The following VAMP7 variants were observed in gnomAD, a reference collection of about 807,000 sequenced individuals.
VAMP7 encodes the protein vesicle-associated membrane protein 7.
A neutral mutation model predicts 29.6 loss-of-function variants in VAMP7; 14 were observed. The ratio of observed to expected loss-of-function variants is 0.47; its 90% CI spans 0.31 to 0.74. The LOEUF is 0.74. Ranked by LOEUF, VAMP7 falls within the 30% of genes least tolerant of loss-of-function variation. VAMP7 has a pLI of 0.05. For missense variants in VAMP7, 223 were observed against 262.4 expected, an observed-to-expected ratio of 0.85 and a Z score of 1.04; for synonymous variants, 95 against 88.1, an observed-to-expected ratio of 1.08 and a Z score of -0.44.
At chrX:155,885,182 A>G (rs906183539) in intron 1 of VAMP7, among the ~76,000 whole-genome samples, 4 of 152,150 alleles carry the variant, frequency 2.6e-5, no homozygotes, top group Non-Finnish European at 5.9e-5. Flanking sequence ...AAACCCAACA[A>G]CTAGAACAAA....
intron 4 of VAMP7, among the ~76,000 whole-genome samples, chrX:155,898,476 T>C (rs923631100): frequency 1.3e-5 from 2 of 152,082 alleles, no homozygotes; most frequent in African/African-American, 2.4e-5. Flanking sequence ...CAGTGTCTCA[T>C]GATTGGAAGA....
At chrX:155,890,249 A>G (rs1307135440) in intron 2 of VAMP7, among the ~76,000 whole-genome samples, 3 of 152,140 alleles carry the variant, frequency 2.0e-5, no homozygotes, top group African/African-American at 7.2e-5. Flanking sequence ...AAGAAAAGTC[A>G]TGTAGGGCCT....
At chrX:155,920,610 C>T (rs975980118) in intron 6 of VAMP7, among the ~76,000 whole-genome samples, 5 of 152,146 alleles carry the variant, frequency 3.3e-5, no homozygotes, top group Non-Finnish European at 7.3e-5. Flanking sequence ...AACACAGGCT[C>T]TAGTATCAGG....
intron 5 of VAMP7, among the ~76,000 whole-genome samples, chrX:155,912,002 G>A (rs2066244334): frequency 3.9e-5 from 6 of 152,106 alleles, no homozygotes; most frequent in Non-Finnish European, 5.9e-5. Context: ...GTGTTGAATA[G>A]GAGTAGTGAA....
chrX:155,886,844 C>T (rs1208551104), intron 1 of VAMP7, among the ~76,000 whole-genome samples: 2 of 152,184 alleles, frequency 1.3e-5, no homozygotes, highest in African/African-American at 2.4e-5. Flanking sequence ...ACCGTTGGTT[C>T]ATAATGAACT....
intron 5 of VAMP7, among the ~76,000 whole-genome samples, chrX:155,915,369 T>G (rs2066297079): frequency 6.6e-6 from 1 of 152,188 alleles, no homozygotes; most frequent in Admixed American, 6.5e-5. Context: ...TCTCCTTCAG[T>G]TCTGCTCTGA....
At chrX:155,911,051 A>T (rs1253391028) in intron 5 of VAMP7, among the ~76,000 whole-genome samples, 1 of 152,012 alleles carries the variant, frequency 6.6e-6, no homozygotes, top group East Asian at 1.9e-4. Flanking sequence ...GTTTTCTTCT[A>T]GTAGGTTTAT....
chrX:155,941,744 T>C, intron 7 of VAMP7, 139 bp from the exon 8 acceptor site: 1 of 1,034,246 alleles, frequency 9.7e-7, no homozygotes, highest in Admixed American at 2.9e-5. Context: ...AATACTTGTT[T>C]AGTGTGTTCC....
At chrX:155,925,136 C>T (rs953594904) in intron 6 of VAMP7, among the ~76,000 whole-genome samples, 1 of 152,182 alleles carries the variant, frequency 6.6e-6, no homozygotes, top group Non-Finnish European at 1.5e-5. Flanking sequence ...CCACTGAAGT[C>T]TTGAACCCCT....
intron 4 of VAMP7, 67 bp from the exon 5 acceptor site, chrX:155,900,430 C>G: frequency 8.1e-7 from 1 of 1,227,204 alleles, no homozygotes. Flanking sequence ...TTGTCATTCC[C>G]CTTATTTTTG....
intron 6 of VAMP7, among the ~76,000 whole-genome samples, chrX:155,934,746 A>T (rs756382673): frequency 4.0e-4 from 61 of 152,246 alleles, no homozygotes; most frequent in African/African-American, 1.4e-3. Flanking sequence ...TGTCATTATG[A>T]TGCTAGCTGG....
At chrX:155,902,682 C>T (rs1298576233) in intron 5 of VAMP7, among the ~76,000 whole-genome samples, 5 of 152,048 alleles carry the variant, frequency 3.3e-5, no homozygotes, top group Middle Eastern at 6.8e-3. Flanking sequence ...TATTGATTTG[C>T]GTATACTGAA....
At chrX:155,938,123 A>AT (rs1341628221) in intron 6 of VAMP7, among the ~76,000 whole-genome samples, 3 of 152,124 alleles carry the variant, frequency 2.0e-5, no homozygotes, top group Admixed American at 2.0e-4. Flanking sequence ...CTTATTAGAA[A>AT]TTTTTTTATT....
Position 155,898,168 on chromosome X carries a change from G to A in VAMP7, c.261G>A (p.Gln87=). The A allele has an allele frequency of 6.2e-7, 1 of 1,613,630 alleles. No individual in the cohort carries two copies. Among genetic ancestry groups the A allele is most frequent in the Non-Finnish European group, 8.5e-7 (1 of 1,179,672 alleles). The part of the protein sequence containing the change: ...NFLNEIKKRF[Q]TTYGSRAQTA... ...TGAATGAGATAAAGAAGAGGTTCCA[G>A]ACTACTTACGGTTCAAGAGCACAGA... The change falls in exon 4 of 8, where the codon CAG becomes CAA. Residue 87 remains glutamine (Q), a synonymous_variant. Transcript: ENST00000286448.
intron 5 of VAMP7, among the ~76,000 whole-genome samples, chrX:155,901,774 G>C (rs1266645623): frequency 6.6e-6 from 1 of 152,098 alleles, no homozygotes; most frequent in Non-Finnish European, 1.5e-5. Context: ...GGTTACTATA[G>C]CCTTGTAGTA....
At chrX:155,925,914 C>G (rs1356402105) in intron 6 of VAMP7, among the ~76,000 whole-genome samples, 1 of 152,258 alleles carries the variant, frequency 6.6e-6, no homozygotes, top group East Asian at 1.9e-4. Flanking sequence ...TTTATCTCCT[C>G]GTAAGTCTCC....
chrX:155,897,706 T>G (rs1249216081), intron 3 of VAMP7, among the ~76,000 whole-genome samples: 3 of 152,156 alleles, frequency 2.0e-5, no homozygotes, highest in Admixed American at 2.0e-4. Context: ...TTAATATCAG[T>G]AGTAGTATCT....
chrX:155,942,004 C>T lies in VAMP7; in HGVS notation c.*53C>T. The T allele has an allele frequency of 6.2e-7, 1 of 1,613,440 alleles. No homozygotes were observed. The highest frequency in any genetic ancestry group is 1.7e-5 in the Admixed American group (1 of 59,878). On this transcript the variant is annotated 3_prime_UTR_variant, in exon 8 of 8. Coordinates refer to ENST00000286448, the MANE Select transcript of VAMP7 (RefSeq NM_005638.6). ...ATATGAGAGAACAAGGAGTTAAAAG[C>T]AATCCATGTGACTCAAGCCTTTCAC...
intron 4 of VAMP7, among the ~76,000 whole-genome samples, chrX:155,900,132 C>G (rs373087367): frequency 1.3e-5 from 2 of 151,944 alleles, no homozygotes; most frequent in Non-Finnish European, 2.9e-5. Flanking sequence ...CATTCTTTCC[C>G]CCACTGCCCC....
Sources: gnomAD v4.1 joint callset for allele counts (sites outside exome capture counted in the v4.1 genomes callset) on GRCh38, gnomAD v4.1.1 for gene constraint, MANE v1.5 for transcripts, NCBI Gene and HGNC (gene_info 2026-07-23, HGNC 2026-07-21) for gene names.